EXOC6: variants seen among roughly 807,000 people sequenced by gnomAD.
The protein encoded by EXOC6 is exocyst complex component 6, also known as SEC15-like 1.
In EXOC6, 60 loss-of-function variants were observed where a neutral mutation model predicts 112.5. The observed-to-expected ratio is 0.53, with a 90% CI of 0.43 to 0.66. EXOC6 has a LOEUF of 0.66. EXOC6 is among the 30% of genes least tolerant of loss of function. The pLI, the probability that EXOC6 is intolerant of heterozygous loss-of-function variation, is 0.00. For synonymous variants in EXOC6, 295 were observed against 308.0 expected (o/e 0.96, Z 0.44); for missense variants, 855 against 957.1 (o/e 0.89, Z 1.41).
intron 20 of EXOC6, among the ~76,000 whole-genome samples, chr10:93,019,083 T>C (rs1436561150): frequency 6.6e-6 from 1 of 152,140 alleles, no homozygotes; most frequent in Non-Finnish European, 1.5e-5. Context: ...TTTTAAATGT[T>C]AATCTATGTA....
intron 6 of EXOC6, among the ~76,000 whole-genome samples, chr10:92,910,603 A>G (rs982923741): frequency 6.6e-6 from 1 of 151,584 alleles, no homozygotes; most frequent in Non-Finnish European, 1.5e-5. Flanking sequence ...TAAAAAAACT[A>G]TAAAAAAAAT....
At chr10:92,975,172 C>G (rs1842466230) in intron 18 of EXOC6, among the ~76,000 whole-genome samples, 1 of 151,870 alleles carries the variant, frequency 6.6e-6, no homozygotes, top group African/African-American at 2.4e-5. Context: ...AGCGTCTCTG[C>G]CTGGCCGCCC....
chr10:93,058,926 A>C lies in EXOC6; in HGVS notation c.*571A>C, dbSNP rs1300917862. 6.6e-6 allele frequency: 1 copy of C among 152,210 alleles called. No homozygotes were observed. Among genetic ancestry groups the C allele is most frequent in the East Asian group, 1.9e-4 (1 of 5,208 alleles). 9.4% of individuals were successfully genotyped at this position (152,210 alleles called of 1,614,324 possible). A position where few individuals can be genotyped will look rare whatever the true frequency, so the allele number is the denominator to read the frequency against. On this transcript the variant is annotated 3_prime_UTR_variant, in exon 22 of 22. Coordinates refer to ENST00000260762, the MANE Select transcript of EXOC6 (RefSeq NM_019053.6). ...AGTAAGAATGTGAATTATTTGTTCTACTTGGGTGGTTTAATTTAATCGTTC... is the reference window on the plus strand; with the variant it reads ...AGTAAGAATGTGAATTATTTGTTCTCCTTGGGTGGTTTAATTTAATCGTTC...
intron 1 of EXOC6, among the ~76,000 whole-genome samples, chr10:92,880,409 C>T (rs975045516): frequency 6.6e-6 from 1 of 152,010 alleles, no homozygotes; most frequent in Non-Finnish European, 1.5e-5. Context: ...ACGGAACCCC[C>T]AGATACAGAG....
chr10:92,934,908 G>T (rs1852263270), intron 11 of EXOC6, among the ~76,000 whole-genome samples: 1 of 151,994 alleles, frequency 6.6e-6, no homozygotes, highest in South Asian at 2.1e-4. Flanking sequence ...GGTTTTTATA[G>T]ATGAAAATTA....
At chr10:92,927,886 G>A (rs1389939958) in intron 8 of EXOC6, among the ~76,000 whole-genome samples, 1 of 152,168 alleles carries the variant, frequency 6.6e-6, no homozygotes, top group East Asian at 1.9e-4. Flanking sequence ...CAAAAGCCTG[G>A]AAGTGAAAAG....
At position 92,861,154 on chromosome 10, in the gene EXOC6, T is replaced by A. The variant is rs117074252; in HGVS notation, c.101+12520T>A. Among the ~76,000 whole-genome samples the A allele has an allele frequency of 3.0e-3, 457 of 152,352 alleles. 1 individual carries two copies. The highest frequency in any genetic ancestry group is 5.1e-3 in the Non-Finnish European group (350 of 68,032). ...CCCTTATGTTTGTGCTTCTCCACAC[T>A]CTGTTCTACATAAGGTCAGTGTCTT... is the stretch of plus-strand genomic sequence containing the variant. On this transcript the variant is annotated intron_variant, in intron 1 of 21. Coordinates refer to ENST00000260762, the MANE Select transcript of EXOC6 (RefSeq NM_019053.6).
chr10:93,018,719 T>G lies in EXOC6; in HGVS notation c.2169+4452T>G, dbSNP rs965554268. On this transcript the variant is annotated intron_variant, in intron 20 of 21. Transcript: ENST00000260762. ...AAATCAGTGGGAGAAAGCAGGGAAA[T>G]GTATTCTGTGGTTTGTTTTAAAATA... Among the ~76,000 whole-genome samples the G allele has an allele frequency of 2.6e-5, 4 of 152,038 alleles. No homozygotes were observed. The South Asian group carries it at 6.2e-4, about 24-fold the overall frequency.
intron 20 of EXOC6, among the ~76,000 whole-genome samples, chr10:93,027,406 G>A (rs939644237): frequency 6.6e-6 from 1 of 152,224 alleles, no homozygotes; most frequent in Non-Finnish European, 1.5e-5. Flanking sequence ...GCTACACTAA[G>A]CAAGAGATTT....
chr10:93,038,199 T>C (rs1845604694), intron 20 of EXOC6, among the ~76,000 whole-genome samples: 1 of 152,120 alleles, frequency 6.6e-6, no homozygotes, highest in African/African-American at 2.4e-5. Flanking sequence ...ATGCACTGTT[T>C]GTTTTACATA....
At chr10:92,966,717 T>G (rs1429312870) in intron 17 of EXOC6, among the ~76,000 whole-genome samples, 2 of 147,096 alleles carry the variant, frequency 1.4e-5, no homozygotes, top group East Asian at 4.0e-4. Flanking sequence ...GTTCCAAGTC[T>G]TTGCTATTGT....
At chr10:93,035,847 T>C (rs180906365) in intron 20 of EXOC6, among the ~76,000 whole-genome samples, 1 of 151,512 alleles carries the variant, frequency 6.6e-6, no homozygotes, top group Admixed American at 6.6e-5. Context: ...AGATCAAGAC[T>C]CTGTCTCCAG....
At chr10:93,025,790 C>T (rs1845000341) in intron 20 of EXOC6, among the ~76,000 whole-genome samples, 1 of 152,082 alleles carries the variant, frequency 6.6e-6, no homozygotes, top group South Asian at 2.1e-4. Context: ...ATGTATACTG[C>T]TGCTGATTTT....
chr10:92,879,588 G>T (rs1848848509), intron 1 of EXOC6, among the ~76,000 whole-genome samples: 1 of 152,052 alleles, frequency 6.6e-6, no homozygotes, highest in African/African-American at 2.4e-5. Context: ...ATCATCCTTT[G>T]TAGATTTTCA....
chr10:93,002,514 G>A (rs373407865), intron 19 of EXOC6, among the ~76,000 whole-genome samples: 5 of 152,338 alleles, frequency 3.3e-5, no homozygotes, highest in African/African-American at 1.2e-4. Context: ...CTCTGGGGAT[G>A]AGGCCCAGCA....
At chr10:92,897,520 AC>A (rs1056588873) in intron 4 of EXOC6, among the ~76,000 whole-genome samples, 5 of 152,204 alleles carry the variant, frequency 3.3e-5, no homozygotes, top group African/African-American at 1.2e-4. Flanking sequence ...TGTCAGGCAA[AC>A]CTGCCTCCTA....
upstream of EXOC6, among the ~76,000 whole-genome samples, chr10:92,846,757 T>G (rs1460287564): frequency 6.6e-6 from 1 of 152,204 alleles, no homozygotes; most frequent in African/African-American, 2.4e-5. Context: ...GCTCACATTC[T>G]AATCCCTGGA....
chr10:92,951,467 G>T (rs1853408375), intron 14 of EXOC6, among the ~76,000 whole-genome samples: 1 of 152,136 alleles, frequency 6.6e-6, no homozygotes, highest in African/African-American at 2.4e-5. Flanking sequence ...AACTGTGTCA[G>T]ATTTTTCAAA....
At chr10:92,987,735 G>A (rs1843067168) in intron 18 of EXOC6, 5 of 582,246 alleles carry the variant, frequency 8.6e-6, no homozygotes, top group South Asian at 7.5e-5. Context: ...TTAAATTAAA[G>A]GCTAATTACT....
Sources: allele counts gnomAD v4.1 joint callset (sites outside exome capture counted in the v4.1 genomes callset), GRCh38; gene constraint gnomAD v4.1.1; transcripts MANE v1.5; gene names NCBI Gene and HGNC (gene_info 2026-07-23, HGNC 2026-07-21).